CREB3L2: variants seen among roughly 807,000 people sequenced by gnomAD.
CREB3L2 encodes the protein cyclic AMP-responsive element-binding protein 3-like protein 2.
CREB3L2 carries 23 observed loss-of-function variants against 57.2 expected under a neutral mutation model. The ratio of observed to expected loss-of-function variants is 0.40; its 90% CI spans 0.29 to 0.57. The LOEUF (loss-of-function observed/expected upper bound fraction) is 0.57, where lower values mean the gene tolerates loss of function less well. CREB3L2 is among the 20% of genes least tolerant of loss of function. The pLI is 0.42. For synonymous variants in CREB3L2, 268 were observed against 265.1 expected (o/e 1.01, Z -0.11); for missense variants, 628 against 634.7 (o/e 0.99, Z 0.11).
intron 1 of CREB3L2, among the ~76,000 whole-genome samples, chr7:137,998,293 G>A (rs1248336414): frequency 6.6e-6 from 1 of 152,222 alleles, no homozygotes; most frequent in Non-Finnish European, 1.5e-5. Flanking sequence ...TTTAAATCAA[G>A]TATGTGACAG....
chr7:137,986,147 C>T (rs1163272448), intron 1 of CREB3L2, among the ~76,000 whole-genome samples: 3 of 152,206 alleles, frequency 2.0e-5, no homozygotes, highest in Admixed American at 2.0e-4. Flanking sequence ...GTAGGGAGAG[C>T]CAGAACCAGA....
chr7:137,960,809 CTTTTTTT>C (rs66493086), intron 1 of CREB3L2, among the ~76,000 whole-genome samples: 116 of 95,580 alleles, frequency 1.2e-3, no homozygotes, highest in African/African-American at 4.2e-3. Context: ...TAAATTATTT[CTTTTTTT>C]TTTTTTTTTT....
chr7:137,988,638 C>T (rs1368192788), intron 1 of CREB3L2, among the ~76,000 whole-genome samples: 1 of 152,180 alleles, frequency 6.6e-6, no homozygotes, highest in African/African-American at 2.4e-5. Context: ...TCCCAACACT[C>T]TTGAACAGGT....
chr7:137,905,265 A>G (rs1227156762), intron 6 of CREB3L2, among the ~76,000 whole-genome samples: 2 of 150,172 alleles, frequency 1.3e-5, no homozygotes, highest in Non-Finnish European at 3.0e-5. Context: ...CTTGCAATGT[A>G]TTTGTATCTT....
chr7:137,887,855 G>A (rs1486709222), intron 8 of CREB3L2, among the ~76,000 whole-genome samples: 22 of 151,770 alleles, frequency 1.4e-4, no homozygotes, highest in Admixed American at 1.4e-3. Context: ...ATCTTTTTTT[G>A]TACTTAATCG....
intron 2 of CREB3L2, among the ~76,000 whole-genome samples, chr7:137,924,190 G>C (rs1212566228): frequency 1.3e-5 from 2 of 152,182 alleles, no homozygotes; most frequent in Non-Finnish European, 2.9e-5. Flanking sequence ...GTAGACCTGG[G>C]ACAGCCATAG....
intron 7 of CREB3L2, 39 bp from the exon 8 acceptor site, chr7:137,901,461 G>A (rs751656982): frequency 5.2e-6 from 7 of 1,347,100 alleles, no homozygotes; most frequent in Non-Finnish European, 6.4e-6. Context: ...ATTATCCATA[G>A]AGCAAACACT....
At chr7:137,899,199 G>C (rs569067207) in intron 8 of CREB3L2, among the ~76,000 whole-genome samples, 2 of 151,142 alleles carry the variant, frequency 1.3e-5, no homozygotes, top group Non-Finnish European at 2.9e-5. Context: ...CTGCAGAGGA[G>C]AGGAGAGACT....
rs1799152833 is a variant in CREB3L2, at chr7:137,876,332, GT to G, written c.*4143del. 2 of 11,912 alleles carry G rather than the reference GT, an allele frequency of 1.7e-4. No individual in the cohort carries two copies. The highest frequency in any genetic ancestry group is 4.8e-3 in the East Asian group (2 of 414). 0.7% of individuals were successfully genotyped at this position (11,912 alleles called of 1,614,324 possible). ...GAGCATGTAAGGGAGGAATGTGCAC[GT>G]GTGTGTGTGTGTGTGTGTGTGTGTG... On this transcript the variant is annotated 3_prime_UTR_variant, in exon 12 of 12. Transcript: ENST00000330387.
At chr7:137,916,821 C>T (rs919207037) in intron 2 of CREB3L2, among the ~76,000 whole-genome samples, 1 of 151,480 alleles carries the variant, frequency 6.6e-6, no homozygotes, top group African/African-American at 2.4e-5. Context: ...ACAGCGAGAG[C>T]GACAGAGAGA....
chr7:137,892,763 A>ATC (rs1268918409), intron 8 of CREB3L2, among the ~76,000 whole-genome samples: 1 of 151,894 alleles, frequency 6.6e-6, no homozygotes, highest in Non-Finnish European at 1.5e-5. Context: ...CCCGAGTCAC[A>ATC]TCTAGAGTTA....
chr7:137,967,655 C>T (rs2117294711), intron 1 of CREB3L2, among the ~76,000 whole-genome samples: 1 of 152,316 alleles, frequency 6.6e-6, no homozygotes, highest in Non-Finnish European at 1.5e-5. Context: ...TCCCAGACAC[C>T]AAGCCCCATG....
At chr7:137,944,422 T>C (rs1052222875) in intron 1 of CREB3L2, among the ~76,000 whole-genome samples, 4 of 152,236 alleles carry the variant, frequency 2.6e-5, no homozygotes, top group African/African-American at 9.6e-5. Context: ...TTAAAAACTC[T>C]GCATGTAGCC....
intron 1 of CREB3L2, among the ~76,000 whole-genome samples, chr7:137,945,033 C>T (rs764499871): frequency 3.9e-5 from 6 of 152,288 alleles, no homozygotes; most frequent in Admixed American, 6.5e-5. Context: ...GCTGGGCTTA[C>T]GGGCATGTGC....
At chr7:137,943,002 G>A (rs1800902487) in intron 1 of CREB3L2, among the ~76,000 whole-genome samples, 1 of 152,232 alleles carries the variant, frequency 6.6e-6, no homozygotes, top group African/African-American at 2.4e-5. Context: ...TAAGAAGTAA[G>A]AAGTCAAAGG....
At chr7:137,903,556 A>G (rs1043572124) in intron 7 of CREB3L2, among the ~76,000 whole-genome samples, 2 of 151,568 alleles carry the variant, frequency 1.3e-5, no homozygotes, top group African/African-American at 4.9e-5. Flanking sequence ...TTCTTTCCCT[A>G]TGTGCCCTCT....
At chr7:137,949,437 T>C (rs1801053209) in intron 1 of CREB3L2, among the ~76,000 whole-genome samples, 1 of 152,244 alleles carries the variant, frequency 6.6e-6, no homozygotes, top group Admixed American at 6.5e-5. Context: ...ATCTAGGTTT[T>C]GTTTCTCCAG....
At chr7:137,979,812 G>C (rs1197039436) in intron 1 of CREB3L2, among the ~76,000 whole-genome samples, 1 of 152,168 alleles carries the variant, frequency 6.6e-6, no homozygotes, top group Admixed American at 6.5e-5. Flanking sequence ...AGACATGCTG[G>C]GACTTCTGAG....
Position 137,933,224 on chromosome 7 carries a change from G to A in CREB3L2, c.103-4858C>T, listed in dbSNP as rs146347268. 1.2e-4 allele frequency among the ~76,000 whole-genome samples: 18 copies of A among 152,210 alleles called. No homozygotes were observed. The East Asian group carries it at 3.1e-3, about 26-fold the overall frequency. On this transcript the variant is annotated intron_variant, in intron 1 of 11. Transcript: ENST00000330387. ...AGAAATAAATAACAGAATGTAACAC[G>A]CAAATGCAAGAGGTAAACCCACAGT...
Sources: gnomAD v4.1 joint callset for allele counts (sites outside exome capture counted in the v4.1 genomes callset) on GRCh38, gnomAD v4.1.1 for gene constraint, MANE v1.5 for transcripts, NCBI Gene and HGNC (gene_info 2026-07-23, HGNC 2026-07-21) for gene names.